MARK4: variants seen among roughly 807,000 people sequenced by gnomAD.
MARK4 encodes microtubule affinity regulating kinase 4.
MARK4 carries 19 observed loss-of-function variants against 81.5 expected under a neutral mutation model. The ratio of observed to expected loss-of-function variants is 0.23; its 90% CI spans 0.16 to 0.34. MARK4 has a LOEUF of 0.34. Ranked by LOEUF, MARK4 falls within the 10% of genes least tolerant of loss-of-function variation. The pLI is 1.00. For missense variants in MARK4, 772 were observed against 1,058.8 expected (o/e 0.73, Z 3.76); for synonymous variants, 436 against 439.0 (o/e 0.99, Z 0.08).
chr19:45,290,059 C>T (rs2123096041), intron 13 of MARK4, among the ~76,000 whole-genome samples: 1 of 152,192 alleles, frequency 6.6e-6, no homozygotes, highest in East Asian at 1.9e-4. Flanking sequence ...AAGATCGTGC[C>T]ACTGCACTCC....
intron 16 of MARK4, 24 bp downstream of exon 16, chr19:45,299,879 A>G: frequency 5.1e-6 from 8 of 1,582,312 alleles, no homozygotes; most frequent in Non-Finnish European, 6.9e-6. Context: ...CCTACCCCTG[A>G]CTGCCACTTC....
intron 1 of MARK4, among the ~76,000 whole-genome samples, chr19:45,252,350 T>C (rs1970255062): frequency 6.6e-6 from 1 of 152,102 alleles, no homozygotes; most frequent in Non-Finnish European, 1.5e-5. Flanking sequence ...TTCTGGTCTC[T>C]TCCTCTCCCA....
intron 1 of MARK4, among the ~76,000 whole-genome samples, chr19:45,257,377 CTT>C (rs1970320004): frequency 1.5e-5 from 2 of 133,298 alleles, no homozygotes; most frequent in African/African-American, 2.6e-5. Flanking sequence ...CACAATTTTT[CTT>C]TCTCTTTTTT....
chr19:45,302,537 C>A lies in MARK4; in HGVS notation c.2086C>A (p.Leu696Met). 1 of 1,598,778 alleles carries A rather than the reference C, an allele frequency of 6.3e-7. No individual in the cohort carries two copies. The highest frequency in any genetic ancestry group is 1.7e-5 in the Admixed American group (1 of 59,760). ...CTGCCGCCAGCCACAGCCGTTCCTG[C>A]TGGCCTGCCTGCACGGGGGTGCGGG... ...CRCRQPQPFL[L>M]ACLHGGAGGP... The change falls in exon 17 of 17, where the codon CTG becomes ATG. Residue 696 changes from leucine (L) to methionine (M), a missense_variant. By Grantham distance (15) the Leu-to-Met change is conservative. Coordinates refer to ENST00000262891, the MANE Select transcript of MARK4 (RefSeq NM_001199867.2). The surrounding 1 kb of genome is among the most constrained non-coding windows in gnomAD (Gnocchi z 4.9).
At chr19:45,294,885 A>C (rs1970866374) in intron 14 of MARK4, among the ~76,000 whole-genome samples, 1 of 152,134 alleles carries the variant, frequency 6.6e-6, no homozygotes, top group African/African-American at 2.4e-5. Flanking sequence ...ATTGGTTCAC[A>C]TCACAGGTCA....
chr19:45,299,064 TAA>T (rs59720430), intron 15 of MARK4, among the ~76,000 whole-genome samples: 29,756 of 82,992 alleles, frequency 0.36, 4,768 homozygotes, highest in African/African-American at 0.49. Context: ...AACCTGTCTC[TAA>T]AAAAAAAAAA....
intron 12 of MARK4, 106 bp downstream of exon 12, chr19:45,280,840 C>A: frequency 6.8e-7 from 1 of 1,474,082 alleles, no homozygotes; most frequent in Non-Finnish European, 9.3e-7. Context: ...CCCACTGGAG[C>A]TAACCTCAGA....
chr19:45,294,246 C>G (rs961057190), intron 13 of MARK4, 103 bp from the exon 14 acceptor site: 3 of 1,076,588 alleles, frequency 2.8e-6, no homozygotes, highest in Admixed American at 4.0e-5. Flanking sequence ...CCCACATGAG[C>G]CCCTGACTTA....
chr19:45,262,213 G>C (rs1462379965), intron 2 of MARK4, among the ~76,000 whole-genome samples: 1 of 152,096 alleles, frequency 6.6e-6, no homozygotes, highest in Non-Finnish European at 1.5e-5. Context: ...TGTGGTCCCA[G>C]CTACTTGGGA....
intron 5 of MARK4, 35 bp from the exon 6 acceptor site, chr19:45,264,805 C>T (rs758378842): frequency 1.9e-6 from 3 of 1,614,010 alleles, no homozygotes; most frequent in South Asian, 1.1e-5. Flanking sequence ...TGCCGCTGCA[C>T]CTGACCCTGA....
Position 45,269,293 on chromosome 19 carries a change from C to T in MARK4, c.550-2179C>T, listed in dbSNP as rs181463980. ...ACTCGGGAGGCTGAGGCTGGAGAAT[C>T]GCTTGAACCCAGGAGGAAGAGGTTA... On this transcript the variant is annotated intron_variant, in intron 7 of 16. Transcript: ENST00000262891. 2.9e-4 allele frequency among the ~76,000 whole-genome samples: 44 copies of T among 152,178 alleles called. No individual in the cohort carries two copies. In the East Asian group the frequency reaches 7.7e-3, roughly 27 times the overall value.
At chr19:45,300,730 T>A (rs1353675061) in intron 16 of MARK4, among the ~76,000 whole-genome samples, 1 of 152,120 alleles carries the variant, frequency 6.6e-6, no homozygotes, top group African/African-American at 2.4e-5. Context: ...TCCCAGCAGC[T>A]GCAACAAACT....
At chr19:45,281,372 T>TTTTTTTTG (rs1237324008) in intron 12 of MARK4, among the ~76,000 whole-genome samples, 2 of 148,788 alleles carry the variant, frequency 1.3e-5, no homozygotes, top group African/African-American at 2.5e-5. Flanking sequence ...TCTTTCTTTT[T>TTTTTTTTG]TTTTTTGAGA....
intron 1 of MARK4, among the ~76,000 whole-genome samples, chr19:45,254,424 A>G (rs1010350735): frequency 5.3e-5 from 8 of 152,030 alleles, no homozygotes; most frequent in Admixed American, 6.6e-5. Context: ...TGGGGATCGG[A>G]GGCCTTATCT....
chr19:45,278,917 G>C (rs1319389654), intron 10 of MARK4, among the ~76,000 whole-genome samples: 1 of 152,022 alleles, frequency 6.6e-6, no homozygotes, highest in Non-Finnish European at 1.5e-5. Context: ...TGTTCGCTTT[G>C]ATATTAAGAC....
Position 45,304,585 on chromosome 19 carries a change from G to A in MARK4, c.*1875G>A, listed in dbSNP as rs1971024188. The stretch of plus-strand genomic sequence containing the variant: ...TCAGGGAACTTCAGGGAAGAGGCTT[G>A]GTCAATTCCTGAGAGCATCCTCTGT... On this transcript the variant is annotated 3_prime_UTR_variant, in exon 17 of 17. Coordinates refer to ENST00000262891, the MANE Select transcript of MARK4 (RefSeq NM_001199867.2). 6.6e-6 allele frequency: 1 copy of A among 152,220 alleles called. No homozygotes were observed. 9.4% of individuals were successfully genotyped at this position (152,220 alleles called of 1,614,324 possible). A position where few individuals can be genotyped will look rare whatever the true frequency, so the allele number is the denominator to read the frequency against.
At chr19:45,291,430 G>A (rs528914733) in intron 13 of MARK4, among the ~76,000 whole-genome samples, 1 of 152,316 alleles carries the variant, frequency 6.6e-6, no homozygotes, top group South Asian at 2.1e-4. Flanking sequence ...TGAATCACTT[G>A]AGGTCAGGAG....
intron 8 of MARK4, among the ~76,000 whole-genome samples, chr19:45,276,256 G>A (rs1970596114): frequency 6.6e-6 from 1 of 152,048 alleles, no homozygotes; most frequent in Non-Finnish European, 1.5e-5. Context: ...CAAACTCACG[G>A]GCTCAAGCGG....
chr19:45,251,685 G>A, intron 1 of MARK4, 46 bp downstream of exon 1: 4 of 1,474,022 alleles, frequency 2.7e-6, no homozygotes, highest in East Asian at 2.9e-5. Context: ...GGGTCCAGCC[G>A]CCAAACCCTT....
Sources: allele counts gnomAD v4.1 joint callset (sites outside exome capture counted in the v4.1 genomes callset), GRCh38; gene constraint gnomAD v4.1.1; non-coding constraint Gnocchi (gnomAD v3.1); transcripts MANE v1.5; gene names NCBI Gene and HGNC (gene_info 2026-07-23, HGNC 2026-07-21).